Variants in PCDHGA10 observed in about 807,000 individuals in gnomAD.
PCDHGA10 encodes the protein protocadherin gamma-A10.
Under a neutral mutation model 59.5 loss-of-function variants are expected in PCDHGA10, and 42 were observed. The observed-to-expected ratio is 0.71, with a 90% CI of 0.55 to 0.91. The LOEUF is 0.91. Among genes scored for constraint, PCDHGA10 ranks in the 40% least tolerant of loss-of-function variants. PCDHGA10 has a pLI of 0.00. For synonymous variants in PCDHGA10, 511 were observed against 517.2 expected (o/e 0.99, Z 0.16); for missense variants, 1,111 against 1,198.2 (o/e 0.93, Z 1.07).
At chr5:141,418,811 A>C in intron 1 of PCDHGA10, 1 of 1,613,916 alleles carries the variant, frequency 6.2e-7, no homozygotes. Context: ...ATATACGATA[A>C]ACATAGAAGC....
chr5:141,419,809 A>G (rs1181621732), intron 1 of PCDHGA10: 2 of 1,613,916 alleles, frequency 1.2e-6, no homozygotes, highest in African/African-American at 2.7e-5. Flanking sequence ...GAGATGGAGG[A>G]CAGCCACCCC....
chr5:141,421,901 G>A lies in PCDHGA10; in HGVS notation c.2436+6290G>A. ...GATGGAGGCGATCCCATCCGAAAGG[G>A]CGCAGTTCCCATTCGTGTGGTGGTC... is the stretch of plus-strand genomic sequence containing the variant. On this transcript the variant is annotated intron_variant, in intron 1 of 3. Coordinates refer to ENST00000398610, the MANE Select transcript of PCDHGA10 (RefSeq NM_018913.3). 1.9e-6 allele frequency: 3 copies of A among 1,613,724 alleles called. No individual in the cohort carries two copies. Among genetic ancestry groups the A allele is most frequent in the East Asian group, 2.2e-5 (1 of 44,880 alleles).
At position 141,485,225 on chromosome 5, in the gene PCDHGA10, T is replaced by C; in HGVS notation, c.2437-9582T>C. The C allele has an allele frequency of 1.2e-6, 2 of 1,614,156 alleles. No homozygotes were observed. Among genetic ancestry groups the C allele is most frequent in the Non-Finnish European group, 1.7e-6 (2 of 1,180,010 alleles). On this transcript the variant is annotated intron_variant, in intron 1 of 3. Coordinates refer to ENST00000398610, the MANE Select transcript of PCDHGA10 (RefSeq NM_018913.3). The surrounding 1 kb of genome is among the most constrained non-coding windows in gnomAD (Gnocchi z 5.7). Reference sequence around the variant, plus strand: ...AGAAATCTGGCGGTGGGCTACCCTTTTGTTCCTCTTTTACCACCTGGGTTA... The same window carrying C: ...AGAAATCTGGCGGTGGGCTACCCTTCTGTTCCTCTTTTACCACCTGGGTTA...
chr5:141,421,473 C>T (rs907282414), intron 1 of PCDHGA10: 10 of 1,613,994 alleles, frequency 6.2e-6, no homozygotes, highest in Middle Eastern at 1.6e-4. Context: ...ATCCGCGAAG[C>T]GGCAGCTTGA....
At chr5:141,494,976 G>A in intron 2 of PCDHGA10, 111 bp downstream of exon 2, 1 of 1,575,636 alleles carries the variant, frequency 6.3e-7, no homozygotes. Flanking sequence ...TTCTCCCTCA[G>A]TTTGAGATCC....
intron 1 of PCDHGA10, chr5:141,471,553 TG>T (rs1217142933): frequency 6.6e-6 from 1 of 152,224 alleles, no homozygotes; most frequent in African/African-American, 2.4e-5. Flanking sequence ...AAGGTTGCTT[TG>T]ACTCAGGGGT....
Position 141,490,849 on chromosome 5 carries a change from C to T in PCDHGA10, c.2437-3958C>T, listed in dbSNP as rs200640560. The stretch of plus-strand genomic sequence containing the variant: ...GATGCTGCAGATTGTGGTGGGGGTT[C>T]GAGACTCCGGCTCTCCCCCATTGCA... On this transcript the variant is annotated intron_variant, in intron 1 of 3. Coordinates refer to ENST00000398610, the MANE Select transcript of PCDHGA10 (RefSeq NM_018913.3). This position sits in a 1 kb window ranked among gnomAD's most constrained non-coding sequence, Gnocchi z 5.4. The T allele has an allele frequency of 1.3e-5, 21 of 1,613,748 alleles. No individual in the cohort carries two copies. Among genetic ancestry groups the T allele is most frequent in the Admixed American group, 1.7e-5 (1 of 60,022 alleles).
intron 1 of PCDHGA10, chr5:141,419,895 C>G (rs1209315374): frequency 6.2e-7 from 1 of 1,613,916 alleles, no homozygotes; most frequent in Non-Finnish European, 8.5e-7. Context: ...AGCGACCATC[C>G]CACACCCTCT....
intron 2 of PCDHGA10, among the ~76,000 whole-genome samples, chr5:141,501,847 C>T (rs976699397): frequency 1.3e-5 from 2 of 152,140 alleles, no homozygotes; most frequent in Admixed American, 6.5e-5. Context: ...GGCCCTCAAC[C>T]TTCAACCATT....
At chr5:141,482,338 T>C (rs2099556539) in intron 1 of PCDHGA10, among the ~76,000 whole-genome samples, 1 of 152,156 alleles carries the variant, frequency 6.6e-6, no homozygotes, top group African/African-American at 2.4e-5. Context: ...ATATCTACTT[T>C]GCAAACTTGT....
intron 1 of PCDHGA10, among the ~76,000 whole-genome samples, chr5:141,455,146 A>G (rs2098814943): frequency 6.7e-6 from 1 of 149,242 alleles, no homozygotes; most frequent in South Asian, 2.1e-4. Flanking sequence ...TGTTAAATAA[A>G]TATTAGTTTG....
In PCDHGA10 at chr5:141,414,155, A is replaced by G; in HGVS notation, c.980A>G (p.Asp327Gly). ...GFYEIEIQAE[D>G]GGAYLATAKV... ...TATGAAATAGAAATACAAGCAGAAG[A>G]TGGAGGAGCATATCTTGCAACTGCA... Residue 327 changes from aspartate to glycine, a missense_variant, in exon 1 of 4, where the codon GAT becomes GGT. Asp to Gly is a moderately conservative substitution (Grantham distance 94). Coordinates refer to ENST00000398610, the MANE Select transcript of PCDHGA10 (RefSeq NM_018913.3). 6.2e-7 allele frequency: 1 copy of G among 1,601,706 alleles called. No individual in the cohort carries two copies. The highest frequency in any genetic ancestry group is 8.5e-7 in the Non-Finnish European group (1 of 1,173,844).
intron 1 of PCDHGA10, among the ~76,000 whole-genome samples, chr5:141,454,796 A>ATTTTTTTTTTTTTTTTTTTTTT (rs61612330): frequency 5.2e-5 from 4 of 77,456 alleles, no homozygotes; most frequent in Non-Finnish European, 7.0e-5. Context: ...CATGGTTCTA[A>ATTTTTTTTTTTTTTTTTTTTTT]TTTTTTTTTT....
In PCDHGA10 at chr5:141,415,301, T is replaced by C; in HGVS notation, c.2126T>C (p.Leu709Pro). The stretch of plus-strand genomic sequence containing the variant: ...GTGGCCGCGGTCTCCTGCGTCTTCC[T>C]GGCCTTCGTCATCGTGCTGCTGGCG... ...VAVAAVSCVF[L>P]AFVIVLLAHR... The change falls in exon 1 of 4, where the codon CTG (leucine) becomes CCG (proline). Residue 709 changes from leucine (L) to proline (P), a missense_variant. Leu to Pro is a moderately conservative substitution (Grantham distance 98). Transcript: ENST00000398610. 1 of 1,614,230 alleles carries C rather than the reference T, an allele frequency of 6.2e-7. No homozygotes were observed. The highest frequency in any genetic ancestry group is 1.1e-5 in the South Asian group (1 of 91,092).
Position 141,491,422 on chromosome 5 carries a change from G to A in PCDHGA10, c.2437-3385G>A. 1 of 1,614,112 alleles carries A rather than the reference G, an allele frequency of 6.2e-7. No individual in the cohort carries two copies. Among genetic ancestry groups the A allele is most frequent in the East Asian group, 2.2e-5 (1 of 44,874 alleles). On this transcript the variant is annotated intron_variant, in intron 1 of 3. Coordinates refer to ENST00000398610, the MANE Select transcript of PCDHGA10 (RefSeq NM_018913.3). The surrounding 1 kb of genome is among the most constrained non-coding windows in gnomAD (Gnocchi z 6.9). The stretch of plus-strand genomic sequence containing the variant: ...AAACGCAGACGGGGACGGGGGTGGA[G>A]GGCAGTGCTGCAGGCGCCAGGACTC...
chr5:141,432,887 T>A lies in PCDHGA10; in HGVS notation c.2436+17276T>A, dbSNP rs146168033. On this transcript the variant is annotated intron_variant, in intron 1 of 3. Coordinates refer to ENST00000398610, the MANE Select transcript of PCDHGA10 (RefSeq NM_018913.3). The surrounding 1 kb of genome is among the most constrained non-coding windows in gnomAD (Gnocchi z 6.0). ...CTGCGTCTTCCTGGCCTTCGTCATC[T>A]TGCTGCTGGCGCTCAGGCTGCGGCG... 1.2e-6 allele frequency: 2 copies of A among 1,614,056 alleles called. No homozygotes were observed. Among genetic ancestry groups the A allele is most frequent in the Non-Finnish European group, 1.7e-6 (2 of 1,179,998 alleles).
At chr5:141,419,407 G>A (rs1426208057) in intron 1 of PCDHGA10, 20 of 1,613,396 alleles carry the variant, frequency 1.2e-5, no homozygotes, top group Non-Finnish European at 1.4e-5. Flanking sequence ...TGGTGTTCGC[G>A]CAGCGCGCCT....
chr5:141,413,306 A>G lies in PCDHGA10; in HGVS notation c.131A>G (p.Glu44Gly). 6.2e-7 allele frequency: 1 copy of G among 1,613,958 alleles called. No individual in the cohort carries two copies. The highest frequency in any genetic ancestry group is 8.5e-7 in the Non-Finnish European group (1 of 1,179,902). The part of the protein sequence containing the change: ...QISYSIPEEL[E>G]KGSFVGNISK... The stretch of plus-strand genomic sequence containing the variant: ...TCCTACTCAATTCCTGAGGAATTAG[A>G]GAAAGGCTCTTTCGTGGGCAACATC... Residue 44 changes from glutamate (E) to glycine (G), a missense_variant, in exon 1 of 4, where the codon GAG becomes GGG. Physicochemically the swap from Glu to Gly is moderately conservative, Grantham distance 98 (BLOSUM62 -2). Coordinates refer to ENST00000398610, the MANE Select transcript of PCDHGA10 (RefSeq NM_018913.3).
In PCDHGA10 at chr5:141,505,419, C is replaced by G. The variant is rs1303924776; in HGVS notation, c.2522C>G (p.Thr841Ser). 6 of 1,614,140 alleles carry G rather than the reference C, an allele frequency of 3.7e-6. No individual in the cohort carries two copies. The highest frequency in any genetic ancestry group is 4.2e-6 in the Non-Finnish European group (5 of 1,180,062). Residue 841 changes from threonine to serine, a missense_variant, in exon 3 of 4, where the codon ACC becomes AGC. Thr to Ser is a moderately conservative substitution (Grantham distance 58). Coordinates refer to ENST00000398610, the MANE Select transcript of PCDHGA10 (RefSeq NM_018913.3). ...SGSQNGDDTGTWPNNQFDTEM... is the reference protein window; with the variant it reads ...SGSQNGDDTGSWPNNQFDTEM... ...TCCCAAAATGGCGATGACACCGGCACCTGGCCCAACAACCAGTTTGACACA... is the reference window on the plus strand; with the variant it reads ...TCCCAAAATGGCGATGACACCGGCAGCTGGCCCAACAACCAGTTTGACACA...
Sources: allele counts gnomAD v4.1 joint callset (sites outside exome capture counted in the v4.1 genomes callset), GRCh38; gene constraint gnomAD v4.1.1; non-coding constraint Gnocchi (gnomAD v3.1); transcripts MANE v1.5; gene names NCBI Gene and HGNC (gene_info 2026-07-23, HGNC 2026-07-21).